EPHA6: variants seen among roughly 807,000 people sequenced by gnomAD.
EPHA6 encodes EPH receptor A6.
Under a neutral mutation model 112.0 loss-of-function variants are expected in EPHA6, and 50 were observed. That is an observed-to-expected ratio of 0.45 (90% CI 0.36 to 0.56). The LOEUF (loss-of-function observed/expected upper bound fraction) is 0.56. Among genes scored for constraint, EPHA6 ranks in the 20% least tolerant of loss-of-function variants. The pLI, the probability that EPHA6 is intolerant of heterozygous loss-of-function variation, is 0.00. For missense variants in EPHA6, 1,280 were observed against 1,417.4 expected, an observed-to-expected ratio of 0.90 and a Z score of 1.56; for synonymous variants, 529 against 490.7, an observed-to-expected ratio of 1.08 and a Z score of -1.03.
chr3:97,432,381 T>C (rs1376444186), intron 6 of EPHA6, among the ~76,000 whole-genome samples: 1 of 152,134 alleles, frequency 6.6e-6, no homozygotes, highest in Admixed American at 6.6e-5. Context: ...AATGAGGATG[T>C]CCCAGCTTAG....
At chr3:97,189,170 T>A (rs1198144162) in intron 3 of EPHA6, among the ~76,000 whole-genome samples, 3 of 152,022 alleles carry the variant, frequency 2.0e-5, no homozygotes, top group Non-Finnish European at 4.4e-5. Context: ...AAGTACAATT[T>A]CTGTCTTTAA....
At chr3:97,316,396 G>A (rs2081838049) in intron 5 of EPHA6, among the ~76,000 whole-genome samples, 1 of 151,774 alleles carries the variant, frequency 6.6e-6, no homozygotes, top group Non-Finnish European at 1.5e-5. Flanking sequence ...CCCCTGCCCA[G>A]GAACACCAAT....
Position 97,752,159 on chromosome 3 carries a change from A to G in EPHA6, c.*3458A>G, listed in dbSNP as rs1477716918. 2 of 223,438 alleles carry G rather than the reference A, an allele frequency of 9.0e-6. No individual in the cohort carries two copies. The highest frequency in any genetic ancestry group is 8.9e-6 in the Non-Finnish European group (1 of 111,986). The allele number at this position is 223,438 out of a possible 1,614,324, so 13.8% of individuals were successfully genotyped here. A position where few individuals can be genotyped will look rare whatever the true frequency, so the allele number is the denominator to read the frequency against. Reference sequence around the variant, plus strand: ...CTGCATTGGTCTTTAAAATCTATCAAAGTATAACCTGAATAAAACTGCCTT... The same window carrying G: ...CTGCATTGGTCTTTAAAATCTATCAGAGTATAACCTGAATAAAACTGCCTT... On this transcript the variant is annotated 3_prime_UTR_variant, in exon 18 of 18. Coordinates refer to ENST00000389672, the MANE Select transcript of EPHA6 (RefSeq NM_001080448.3).
intron 3 of EPHA6, among the ~76,000 whole-genome samples, chr3:97,222,750 CTA>C (rs1202598993): frequency 1.3e-5 from 2 of 152,204 alleles, no homozygotes; most frequent in Non-Finnish European, 2.9e-5. Flanking sequence ...TACTCACACA[CTA>C]TCCAGTTCAA....
At chr3:97,000,486 A>G (rs997759950) in intron 3 of EPHA6, among the ~76,000 whole-genome samples, 2 of 151,806 alleles carry the variant, frequency 1.3e-5, no homozygotes, top group African/African-American at 4.8e-5. Context: ...TTCACGTTAC[A>G]GTCTAAGGTT....
At chr3:97,629,396 T>C (rs967233498) in intron 13 of EPHA6, among the ~76,000 whole-genome samples, 1 of 152,010 alleles carries the variant, frequency 6.6e-6, no homozygotes, top group Non-Finnish European at 1.5e-5. Context: ...TGCACATATA[T>C]GAGAGCATGG....
At chr3:97,645,512 T>G in intron 14 of EPHA6, among the ~76,000 whole-genome samples, 1 of 102,186 alleles carries the variant, frequency 9.8e-6, no homozygotes. Context: ...CTGGGGACTG[T>G]GGTGGGGTGG....
At chr3:97,613,136 C>T (rs982277607) in intron 13 of EPHA6, among the ~76,000 whole-genome samples, 1 of 151,980 alleles carries the variant, frequency 6.6e-6, no homozygotes, top group Non-Finnish European at 1.5e-5. Flanking sequence ...TGTTCTTACC[C>T]TTCTTTGTAA....
intron 1 of EPHA6, among the ~76,000 whole-genome samples, chr3:96,831,826 C>T (rs924676900): frequency 1.3e-5 from 2 of 151,978 alleles, no homozygotes; most frequent in African/African-American, 4.8e-5. Context: ...TGAAGAATAT[C>T]TTAGAAAACA....
At chr3:97,645,971 G>T in intron 14 of EPHA6, 1 of 472,630 alleles carries the variant, frequency 2.1e-6, no homozygotes, top group Non-Finnish European at 3.6e-6. Flanking sequence ...GATAAAGGTT[G>T]GGTTTTGTGG....
At chr3:97,343,417 A>T (rs1280145297) in intron 5 of EPHA6, among the ~76,000 whole-genome samples, 1 of 152,210 alleles carries the variant, frequency 6.6e-6, no homozygotes, top group Non-Finnish European at 1.5e-5. Flanking sequence ...TAGTAAAATG[A>T]AAAAGGGAAG....
chr3:97,660,348 T>C (rs912217073), intron 14 of EPHA6, among the ~76,000 whole-genome samples: 1 of 152,112 alleles, frequency 6.6e-6, no homozygotes, highest in African/African-American at 2.4e-5. Flanking sequence ...TGCTACTCCC[T>C]AGATTGTAGC....
chr3:97,484,155 A>G, intron 10 of EPHA6, 96 bp downstream of exon 10: 1 of 1,240,170 alleles, frequency 8.1e-7, no homozygotes, highest in Non-Finnish European at 1.1e-6. Flanking sequence ...AGTTTTGGTC[A>G]TTGAAAAGTT....
chr3:97,296,583 G>A (rs967221686), intron 5 of EPHA6, among the ~76,000 whole-genome samples: 2 of 152,160 alleles, frequency 1.3e-5, no homozygotes, highest in Admixed American at 1.3e-4. Context: ...TAAGCAGTTG[G>A]CTCTCAGGCT....
At chr3:97,567,823 A>C (rs2093287056) in intron 11 of EPHA6, among the ~76,000 whole-genome samples, 1 of 152,198 alleles carries the variant, frequency 6.6e-6, no homozygotes, top group Non-Finnish European at 1.5e-5. Context: ...AAGCTATGCA[A>C]GGCCTCCTGG....
intron 3 of EPHA6, among the ~76,000 whole-genome samples, chr3:97,186,653 C>A (rs997471966): frequency 6.6e-6 from 1 of 152,144 alleles, no homozygotes; most frequent in Non-Finnish European, 1.5e-5. Context: ...CAAAACATTT[C>A]TCAGTGAAAA....
intron 2 of EPHA6, among the ~76,000 whole-genome samples, chr3:96,912,268 A>G (rs1394439942): frequency 6.6e-6 from 1 of 152,184 alleles, no homozygotes; most frequent in Admixed American, 6.6e-5. Context: ...GCCAACGTAG[A>G]AAGTCCTGTC....
intron 3 of EPHA6, among the ~76,000 whole-genome samples, chr3:97,223,355 G>A (rs567184836): frequency 1.3e-5 from 2 of 152,162 alleles, no homozygotes; most frequent in African/African-American, 2.4e-5. Flanking sequence ...AGCAGGGAAG[G>A]CTTCATTAAT....
chr3:97,666,581 G>C (rs1373889536), intron 14 of EPHA6, among the ~76,000 whole-genome samples: 1 of 152,080 alleles, frequency 6.6e-6, no homozygotes, highest in Non-Finnish European at 1.5e-5. Flanking sequence ...ATTCTCCTGT[G>C]TGCATGTCTC....
Sources: allele counts gnomAD v4.1 joint callset (sites outside exome capture counted in the v4.1 genomes callset), GRCh38; gene constraint gnomAD v4.1.1; transcripts MANE v1.5; gene names NCBI Gene and HGNC (gene_info 2026-07-23, HGNC 2026-07-21).